The following GRK4 variants were observed in gnomAD, a reference collection of about 807,000 sequenced individuals.
GRK4 encodes G protein-coupled receptor kinase 2-like.
Under a neutral mutation model 77.9 loss-of-function variants are expected in GRK4, and 73 were observed. That is an observed-to-expected ratio of 0.94 (90% confidence interval 0.78 to 1.14). The LOEUF (loss-of-function observed/expected upper bound fraction) is 1.14, where lower values mean the gene tolerates loss of function less well. Among genes scored for constraint, GRK4 ranks in the 50% most tolerant of loss-of-function variants. The pLI is 0.00. For synonymous variants in GRK4, 257 were observed against 254.4 expected (o/e 1.01, Z -0.10); for missense variants, 729 against 700.2 (o/e 1.04, Z -0.46).
At chr4:3,000,547 T>C (rs1729207525) in intron 4 of GRK4, among the ~76,000 whole-genome samples, 1 of 113,192 alleles carries the variant, frequency 8.8e-6, no homozygotes, top group African/African-American at 4.2e-5. Context: ...TCTTTCTTTT[T>C]TCTTTTCTTT....
At chr4:3,010,997 G>C (rs1326121673) in intron 7 of GRK4, among the ~76,000 whole-genome samples, 1 of 152,172 alleles carries the variant, frequency 6.6e-6, no homozygotes, top group Non-Finnish European at 1.5e-5. Flanking sequence ...CCAATCGTAT[G>C]CTTGCTCTAA....
At chr4:2,987,155 C>T (rs756030757) in intron 2 of GRK4, 1 of 518,056 alleles carries the variant, frequency 1.9e-6, no homozygotes, top group East Asian at 5.5e-5. Context: ...ACTACAAATC[C>T]ACTTTCTGTC....
intron 15 of GRK4, 65 bp downstream of exon 15, chr4:3,038,578 C>A: frequency 6.6e-7 from 1 of 1,521,780 alleles, no homozygotes; most frequent in Non-Finnish European, 8.9e-7. Flanking sequence ...TACTGACTGC[C>A]AAGGTGAAAA....
intron 12 of GRK4, among the ~76,000 whole-genome samples, chr4:3,030,171 G>T (rs1240335315): frequency 1.3e-5 from 2 of 152,166 alleles, no homozygotes; most frequent in African/African-American, 4.8e-5. Context: ...CTCTGGGCCT[G>T]GTGCTGGACA....
At chr4:2,975,946 T>G (rs1232940375) in intron 1 of GRK4, among the ~76,000 whole-genome samples, 2 of 152,232 alleles carry the variant, frequency 1.3e-5, no homozygotes, top group Non-Finnish European at 2.9e-5. Context: ...GTTTGACCTT[T>G]GGAGAAATCA....
At chr4:2,964,208 T>A (rs1716694768) in intron 1 of GRK4, 86 bp downstream of exon 1, 4 of 965,920 alleles carry the variant, frequency 4.1e-6, no homozygotes, top group African/African-American at 4.2e-5. Flanking sequence ...GAACCCGACA[T>A]CCCCGGAGAA....
At chr4:3,030,154 T>C (rs916308344) in intron 12 of GRK4, among the ~76,000 whole-genome samples, 1 of 152,176 alleles carries the variant, frequency 6.6e-6, no homozygotes, top group African/African-American at 2.4e-5. Flanking sequence ...GCCTTCTGTG[T>C]GCCTGGCTCT....
At chr4:3,036,824 T>G (rs2187695) in intron 13 of GRK4, among the ~76,000 whole-genome samples, 1 of 151,920 alleles carries the variant, frequency 6.6e-6, no homozygotes, top group African/African-American at 2.4e-5. Context: ...GTTCCTCAGG[T>G]TTTCTCCGGG....
chr4:3,019,822 T>C lies in GRK4; in HGVS notation c.923T>C (p.Ile308Thr). 1 of 1,613,836 alleles carries C rather than the reference T, an allele frequency of 6.2e-7. No homozygotes were observed. The highest frequency in any genetic ancestry group is 8.5e-7 in the Non-Finnish European group (1 of 1,179,836). ...TTGGAAGATTTACAGAGGGAAAGAATTGTATACAGGTAAGAACGGTGCTAC... is the reference window on the plus strand; with the variant it reads ...TTGGAAGATTTACAGAGGGAAAGAACTGTATACAGGTAAGAACGGTGCTAC... ...CGLEDLQRER[I>T]VYRDLKPENI... Residue 308 changes from isoleucine to threonine, a missense_variant, in exon 9 of 16, where the codon ATT becomes ACT. Ile to Thr is a moderately conservative substitution (Grantham distance 89, BLOSUM62 -1). Transcript: ENST00000398052.
At chr4:2,993,709 G>T (rs1005766648) in intron 4 of GRK4, among the ~76,000 whole-genome samples, 6 of 151,888 alleles carry the variant, frequency 4.0e-5, no homozygotes, top group African/African-American at 1.5e-4. Context: ...AAAAATCACT[G>T]CTCTAACATG....
At position 3,028,246 on chromosome 4, in the gene GRK4, C is replaced by T. The variant is rs952151541; in HGVS notation, c.1060+245C>T. On this transcript the variant is annotated intron_variant, in intron 11 of 15. Transcript: ENST00000398052. ...GGTTGTGAGTCCTGAGGTCACTCAGCGAAGTGAGGGCAGAATCGGGATGAC... is the reference window on the plus strand; with the variant it reads ...GGTTGTGAGTCCTGAGGTCACTCAGTGAAGTGAGGGCAGAATCGGGATGAC... 4.6e-5 allele frequency among the ~76,000 whole-genome samples: 7 copies of T among 152,104 alleles called. No individual in the cohort carries two copies. The East Asian group carries it at 5.8e-4, about 13-fold the overall frequency.
At chr4:2,983,386 A>G (rs1723384237) in intron 1 of GRK4, among the ~76,000 whole-genome samples, 1 of 152,262 alleles carries the variant, frequency 6.6e-6, no homozygotes, top group Admixed American at 6.5e-5. Context: ...TTAGCTGCCC[A>G]GAAGGCTTGA....
chr4:3,010,207 G>C (rs987585941), intron 7 of GRK4, among the ~76,000 whole-genome samples: 2 of 151,228 alleles, frequency 1.3e-5, no homozygotes, highest in Non-Finnish European at 2.9e-5. Flanking sequence ...ACTCACGAGG[G>C]GTGTTTTTTT....
At chr4:2,988,443 T>C (rs1725079915) in intron 2 of GRK4, among the ~76,000 whole-genome samples, 1 of 152,186 alleles carries the variant, frequency 6.6e-6, no homozygotes, top group Admixed American at 6.5e-5. Flanking sequence ...GATTTCTTTC[T>C]ATGTTCTAGA....
chr4:3,035,495 A>C lies in GRK4; in HGVS notation c.1379A>C (p.Asn460Thr). 6.2e-7 allele frequency: 1 copy of C among 1,613,980 alleles called. No homozygotes were observed. Among genetic ancestry groups the C allele is most frequent in the Non-Finnish European group, 8.5e-7 (1 of 1,179,952 alleles). The change falls in exon 13 of 16, where the codon AAC becomes ACC. Residue 460 changes from asparagine to threonine, a missense_variant. Coordinates refer to ENST00000398052, the MANE Select transcript of GRK4 (RefSeq NM_182982.3). ...KDINFRRLEA[N>T]MLEPPFCPDP... ...ATCAACTTCAGGAGGCTGGAGGCAA[A>C]CATGCTGGAGCCCCCTTTCTGTCCT...
chr4:3,034,879 CCTT>C (rs1381608110), intron 12 of GRK4, among the ~76,000 whole-genome samples: 1 of 152,088 alleles, frequency 6.6e-6, no homozygotes, highest in East Asian at 1.9e-4. Context: ...AAAGGCGAAA[CCTT>C]CGCCCCCCTC....
chr4:3,001,666 C>G (rs999704351), intron 4 of GRK4, among the ~76,000 whole-genome samples: 17 of 152,074 alleles, frequency 1.1e-4, no homozygotes, highest in African/African-American at 3.6e-4. Flanking sequence ...CACGCCCGCC[C>G]GAGACCATAG....
intron 12 of GRK4, among the ~76,000 whole-genome samples, chr4:3,032,726 A>T (rs1739507659): frequency 1.3e-5 from 2 of 152,234 alleles, no homozygotes; most frequent in African/African-American, 4.8e-5. Flanking sequence ...CTCTTACTTT[A>T]TAGGATTGTT....
intron 8 of GRK4, 50 bp from the exon 9 acceptor site, chr4:3,019,591 C>A: frequency 7.0e-7 from 1 of 1,423,388 alleles, no homozygotes; most frequent in Non-Finnish European, 9.7e-7. Context: ...AGGAAATCAC[C>A]AATGAAAGAG....
Sources: allele counts gnomAD v4.1 joint callset (sites outside exome capture counted in the v4.1 genomes callset), GRCh38; gene constraint gnomAD v4.1.1; transcripts MANE v1.5; gene names NCBI Gene and HGNC (gene_info 2026-07-23, HGNC 2026-07-21).